The following COL22A1 variants were observed in gnomAD, a reference collection of about 807,000 sequenced individuals.
The protein encoded by COL22A1 is collagen type XXII alpha 1 chain, also known as collagen alpha-1(XXII) chain.
Under a neutral mutation model 248.9 loss-of-function variants are expected in COL22A1, and 221 were observed. The observed-to-expected ratio is 0.89, with a 90% CI of 0.80 to 0.99. COL22A1 has a LOEUF of 0.99. Ranked by LOEUF, COL22A1 falls within the 50% of genes least tolerant of loss-of-function variation. The pLI, the probability that COL22A1 is intolerant of heterozygous loss-of-function variation, is 0.00. For missense variants in COL22A1, 2,240 were observed against 2,179.0 expected, an observed-to-expected ratio of 1.03 and a Z score of -0.56; for synonymous variants, 891 against 793.4, an observed-to-expected ratio of 1.12 and a Z score of -2.07.
Position 138,688,941 on chromosome 8 carries a change from C to T in COL22A1, c.2838G>A (p.Gly946=). The T allele has an allele frequency of 6.2e-7, 1 of 1,613,456 alleles. No individual in the cohort carries two copies. The highest frequency in any genetic ancestry group is 2.2e-5 in the East Asian group (1 of 44,850). ...CCTTCTCACCACGCTCCCCATCTTT[C>T]CCTGGGGTGCCTCTGAGGCCGGGAG... The part of the protein sequence containing the change: ...VGAPGLRGTP[G]KDGERGEKGA... The change falls in exon 37 of 65, where the codon GGG becomes GGA. Residue 946 remains glycine (G), a synonymous_variant. Coordinates refer to ENST00000303045, the MANE Select transcript of COL22A1 (RefSeq NM_152888.3).
intron 3 of COL22A1, among the ~76,000 whole-genome samples, chr8:138,868,780 G>C (rs1563864895): frequency 6.6e-6 from 1 of 151,874 alleles, no homozygotes; most frequent in Non-Finnish European, 1.5e-5. Flanking sequence ...ACCCAGGCTG[G>C]AGTATAATGG....
At chr8:138,900,958 A>C (rs1441433140) in intron 1 of COL22A1, among the ~76,000 whole-genome samples, 3 of 151,944 alleles carry the variant, frequency 2.0e-5, no homozygotes. Flanking sequence ...CATTTTTTAC[A>C]CTCTGTAAAA....
chr8:138,703,859 G>A (rs1440039406), intron 30 of COL22A1, among the ~76,000 whole-genome samples: 1 of 152,146 alleles, frequency 6.6e-6, no homozygotes, highest in Non-Finnish European at 1.5e-5. Context: ...AAGAGTTGGG[G>A]AATTCCCTTC....
intron 17 of COL22A1, among the ~76,000 whole-genome samples, chr8:138,762,125 A>G (rs749149489): frequency 1.3e-5 from 2 of 152,212 alleles, no homozygotes; most frequent in Admixed American, 6.5e-5. Context: ...CGCTGCTTAC[A>G]CACATCACCT....
In COL22A1 at chr8:138,703,168, A is replaced by T. The variant is rs1347940525; in HGVS notation, c.2559+138T>A. On this transcript the variant is annotated intron_variant, in intron 31 of 64. Transcript: ENST00000303045. ...AGTGTATATATTTTTGGTTTGTAGG[A>T]CCTAGGAATAGGCCTAGCTATTGGC... is the stretch of plus-strand genomic sequence containing the variant. The T allele has an allele frequency of 5.5e-6, 4 of 722,078 alleles. No homozygotes were observed. The African/African-American group carries it at 7.0e-5, about 13-fold the overall frequency. 44.7% of individuals were successfully genotyped at this position (722,078 alleles called of 1,614,324 possible). A position where few individuals can be genotyped will look rare whatever the true frequency, so the allele number is the denominator to read the frequency against.
intron 1 of COL22A1, among the ~76,000 whole-genome samples, chr8:138,885,817 C>T (rs568310956): frequency 7.9e-5 from 12 of 152,306 alleles, no homozygotes; most frequent in African/African-American, 2.9e-4. Flanking sequence ...CCTGCCTCTG[C>T]CTCCCAAAGT....
intron 39 of COL22A1, among the ~76,000 whole-genome samples, chr8:138,682,094 C>T (rs997921743): frequency 3.3e-5 from 5 of 152,176 alleles, no homozygotes; most frequent in Non-Finnish European, 7.3e-5. Flanking sequence ...GCAATACACT[C>T]TGCGTTTATG....
At chr8:138,603,774 C>T (rs188751724) in intron 59 of COL22A1, among the ~76,000 whole-genome samples, 18 of 152,292 alleles carry the variant, frequency 1.2e-4, no homozygotes, top group African/African-American at 4.3e-4. Context: ...AGCTATCCGA[C>T]TCAGCTTCAA....
intron 53 of COL22A1, 74 bp from the exon 54 acceptor site, chr8:138,617,032 T>C: frequency 6.5e-7 from 1 of 1,543,188 alleles, no homozygotes; most frequent in Non-Finnish European, 9.0e-7. Context: ...CATACCTCCC[T>C]GCCGGCTTTG....
intron 30 of COL22A1, among the ~76,000 whole-genome samples, chr8:138,708,094 T>A (rs1401497187): frequency 6.6e-6 from 1 of 152,102 alleles, no homozygotes; most frequent in East Asian, 1.9e-4. Flanking sequence ...ATGAAGGACC[T>A]CTTCAAGGAG....
Position 138,630,701 on chromosome 8 carries a change from C to T in COL22A1, c.3657G>A (p.Gly1219=). 6.2e-7 allele frequency: 1 copy of T among 1,613,750 alleles called. No homozygotes were observed. The highest frequency in any genetic ancestry group is 1.7e-5 in the Admixed American group (1 of 60,014). The change falls in exon 50 of 65, where the codon GGG becomes GGA. Residue 1219 remains glycine, a synonymous_variant. Coordinates refer to ENST00000303045, the MANE Select transcript of COL22A1 (RefSeq NM_152888.3). Reference sequence around the variant, plus strand: ...CATTCCTTGAGGAACTTACAGGTGACCCTTGGATTCCTGGTGGTCCAGCAG... The same window carrying T: ...CATTCCTTGAGGAACTTACAGGTGATCCTTGGATTCCTGGTGGTCCAGCAG... The part of the protein sequence containing the change: ...AGAAGPPGIQ[G]SPGKEGPPGP...
At chr8:138,590,360 C>T (rs1200038198) in intron 64 of COL22A1, among the ~76,000 whole-genome samples, 1 of 152,080 alleles carries the variant, frequency 6.6e-6, no homozygotes, top group Non-Finnish European at 1.5e-5. Flanking sequence ...TTTGAGGCCT[C>T]AGTGTTATTC....
chr8:138,590,471 T>A (rs535520985), intron 64 of COL22A1, among the ~76,000 whole-genome samples: 75 of 152,324 alleles, frequency 4.9e-4, no homozygotes, highest in African/African-American at 1.7e-3. Flanking sequence ...TATTTGAAAT[T>A]GCCTTCTTTT....
intron 41 of COL22A1, among the ~76,000 whole-genome samples, chr8:138,668,417 C>T (rs7837690): frequency 0.044 from 6,732 of 152,198 alleles, 432 homozygotes; most frequent in African/African-American, 0.15. Context: ...CACACATGCA[C>T]ATATATATCA....
intron 54 of COL22A1, among the ~76,000 whole-genome samples, chr8:138,616,268 G>A (rs944230613): frequency 4.6e-5 from 7 of 152,344 alleles, no homozygotes; most frequent in Admixed American, 2.0e-4. Context: ...CTGGAGCCAT[G>A]CTGTGCCTCT....
intron 1 of COL22A1, among the ~76,000 whole-genome samples, chr8:138,900,195 A>C (rs1347151432): frequency 6.6e-6 from 1 of 152,188 alleles, no homozygotes; most frequent in Non-Finnish European, 1.5e-5. Context: ...TGCTCTTTTC[A>C]TTTAACCAGG....
intron 5 of COL22A1, among the ~76,000 whole-genome samples, chr8:138,830,035 A>G (rs1440864716): frequency 1.3e-5 from 2 of 152,214 alleles, no homozygotes; most frequent in East Asian, 1.9e-4. Context: ...AGTCATTTTA[A>G]TCAGGGAGAA....
At chr8:138,674,747 C>T (rs1270265244) in intron 41 of COL22A1, among the ~76,000 whole-genome samples, 1 of 152,156 alleles carries the variant, frequency 6.6e-6, no homozygotes, top group Non-Finnish European at 1.5e-5. Context: ...GTGCCTCATT[C>T]AGGTTACGGG....
At chr8:138,770,336 T>C (rs796488564) in intron 16 of COL22A1, among the ~76,000 whole-genome samples, 7 of 152,316 alleles carry the variant, frequency 4.6e-5, no homozygotes, top group South Asian at 2.1e-4. Context: ...ATTCACCTTA[T>C]GATTTGCCCA....
Sources: allele counts gnomAD v4.1 joint callset (sites outside exome capture counted in the v4.1 genomes callset), GRCh38; gene constraint gnomAD v4.1.1; transcripts MANE v1.5; gene names NCBI Gene and HGNC (gene_info 2026-07-23, HGNC 2026-07-21).